ZFR: variants seen among roughly 807,000 people sequenced by gnomAD.
ZFR encodes the protein zinc finger RNA-binding protein.
A neutral mutation model predicts 130.7 loss-of-function variants in ZFR; 19 were observed. The ratio of observed to expected loss-of-function variants is 0.15; its 90% CI spans 0.10 to 0.21. The LOEUF is 0.21. Ranked by LOEUF, ZFR falls within the 10% of genes least tolerant of loss-of-function variation. The pLI is 1.00. For missense variants in ZFR, 872 were observed against 1,321.5 expected, an observed-to-expected ratio of 0.66 and a Z score of 5.27; for synonymous variants, 466 against 456.9, an observed-to-expected ratio of 1.02 and a Z score of -0.25.
chr5:32,419,911 G>A lies in ZFR; in HGVS notation c.330C>T (p.Pro110=), dbSNP rs192753696. The change falls in exon 3 of 20, where the codon CCC becomes CCT. Residue 110 remains proline, a synonymous_variant. Coordinates refer to ENST00000265069, the MANE Select transcript of ZFR (RefSeq NM_016107.5). ...CATAGTCAGTTGCTGTGTGTGCAGT[G>A]GGGTAGCCTCCATAAGCAGCAGCTG... ...AATAAAYGGY[P]TAHTATDYGY... 3.7e-6 allele frequency: 6 copies of A among 1,613,960 alleles called. No homozygotes were observed. The Admixed American group carries it at 8.3e-5, about 22-fold the overall frequency.
At chr5:32,418,418 A>G (rs1339447382) in intron 3 of ZFR, among the ~76,000 whole-genome samples, 1 of 152,216 alleles carries the variant, frequency 6.6e-6, no homozygotes, top group African/African-American at 2.4e-5. Flanking sequence ...TGGATCCTAC[A>G]ATATTACAAA....
rs993741198 is a variant in ZFR at position 32,419,756 on chromosome 5, T to C, written c.420+65A>G. On this transcript the variant is annotated intron_variant, in intron 3 of 19. Coordinates refer to ENST00000265069, the MANE Select transcript of ZFR (RefSeq NM_016107.5). ...GTTTGAGAAGCAATGGCTAGGGCAT[T>C]ACATTATACACTGAAGACAAAGAAA... The C allele has an allele frequency of 3.3e-6, 5 of 1,508,810 alleles. No individual in the cohort carries two copies. In the Admixed American group the frequency reaches 8.7e-5, roughly 26 times the overall value. The allele number at this position is 1,508,810 out of a possible 1,614,324, so 93.5% of individuals were successfully genotyped here.
chr5:32,383,890 T>C, intron 15 of ZFR: 1 of 437,414 alleles, frequency 2.3e-6, no homozygotes, highest in South Asian at 1.6e-5. Flanking sequence ...CAGCTCAGTG[T>C]CTTGAAGCAA....
At chr5:32,438,764 G>A (rs1178904054) in intron 2 of ZFR, among the ~76,000 whole-genome samples, 1 of 151,954 alleles carries the variant, frequency 6.6e-6, no homozygotes. Flanking sequence ...TATTAACCAA[G>A]GAATCCTTCT....
intron 17 of ZFR, among the ~76,000 whole-genome samples, chr5:32,370,702 T>C (rs564997818): frequency 2.6e-5 from 4 of 152,322 alleles, no homozygotes; most frequent in African/African-American, 7.2e-5. Context: ...AAAAATTACA[T>C]GCCTTTTATA....
chr5:32,377,069 T>C (rs1454338122), intron 17 of ZFR, among the ~76,000 whole-genome samples: 1 of 148,144 alleles, frequency 6.8e-6, no homozygotes, highest in Non-Finnish European at 1.5e-5. Flanking sequence ...GGAAGGAGAA[T>C]GGCAAGAACC....
At chr5:32,368,595 T>C (rs971808272) in intron 17 of ZFR, among the ~76,000 whole-genome samples, 2 of 152,212 alleles carry the variant, frequency 1.3e-5, no homozygotes, top group African/African-American at 4.8e-5. Flanking sequence ...AGATTTACAA[T>C]AGGGCTATTA....
intron 16 of ZFR, chr5:32,379,468 G>T: frequency 2.9e-6 from 1 of 350,810 alleles, no homozygotes; most frequent in South Asian, 3.4e-5. Flanking sequence ...ACCTTGACCT[G>T]TGTTCATTTA....
At chr5:32,365,822 A>C (rs562034815) in intron 17 of ZFR, among the ~76,000 whole-genome samples, 1 of 152,112 alleles carries the variant, frequency 6.6e-6, no homozygotes, top group South Asian at 2.1e-4. Flanking sequence ...CTGGTTTTGA[A>C]CTCCTGGACT....
At chr5:32,388,851 T>C (rs1161699345) in intron 12 of ZFR, among the ~76,000 whole-genome samples, 177 bp from the exon 13 acceptor site, 2 of 152,148 alleles carry the variant, frequency 1.3e-5, no homozygotes, top group Non-Finnish European at 2.9e-5. Flanking sequence ...CAAGACTATA[T>C]GTATGTATGC....
intron 11 of ZFR, among the ~76,000 whole-genome samples, chr5:32,392,510 A>C (rs1422873449): frequency 1.3e-5 from 2 of 152,154 alleles, no homozygotes; most frequent in African/African-American, 4.8e-5. Flanking sequence ...AACACATAAG[A>C]AAAAACAAGC....
intron 16 of ZFR, chr5:32,379,848 C>A (rs891405987): frequency 5.0e-5 from 19 of 383,458 alleles, no homozygotes; most frequent in South Asian, 6.9e-5. Flanking sequence ...AATAAAAAAA[C>A]CCCAACTACA....
intron 2 of ZFR, among the ~76,000 whole-genome samples, chr5:32,420,310 T>A (rs554212790): frequency 5.9e-5 from 9 of 152,272 alleles, no homozygotes; most frequent in South Asian, 4.1e-4. Flanking sequence ...TCTTTTTTTT[T>A]TAAATTTTCA....
At chr5:32,397,609 A>G (rs1184748402) in intron 9 of ZFR, among the ~76,000 whole-genome samples, 2 of 152,072 alleles carry the variant, frequency 1.3e-5, no homozygotes, top group Non-Finnish European at 2.9e-5. Flanking sequence ...ATGTAACACC[A>G]CCACGACCGG....
At chr5:32,387,431 C>T (rs1020895329) in intron 14 of ZFR, 118 bp downstream of exon 14, 2 of 1,205,104 alleles carry the variant, frequency 1.7e-6, no homozygotes, top group Non-Finnish European at 2.3e-6. Flanking sequence ...AAACTCAATA[C>T]AGAAAGTCAA....
At chr5:32,415,486 G>GTGTGTGTGTA (rs1491174213) in intron 4 of ZFR, among the ~76,000 whole-genome samples, 1 of 12,078 alleles carries the variant, frequency 8.3e-5, no homozygotes, top group African/African-American at 2.6e-4. Context: ...CTGAAAAGGA[G>GTGTGTGTGTA]TGTGTGTGTG....
intron 19 of ZFR, among the ~76,000 whole-genome samples, chr5:32,356,641 G>T (rs913663328): frequency 1.3e-5 from 2 of 151,554 alleles, no homozygotes; most frequent in Non-Finnish European, 2.9e-5. Flanking sequence ...GGATTGTCTC[G>T]ATCTCCTGAC....
At chr5:32,428,874 G>A (rs922720135) in intron 2 of ZFR, among the ~76,000 whole-genome samples, 2 of 151,504 alleles carry the variant, frequency 1.3e-5, no homozygotes, top group African/African-American at 2.4e-5. Context: ...CACTTTCCGT[G>A]TTAGCAGAGA....
At chr5:32,372,692 A>G (rs1167164346) in intron 17 of ZFR, among the ~76,000 whole-genome samples, 2 of 151,768 alleles carry the variant, frequency 1.3e-5, no homozygotes, top group African/African-American at 4.8e-5. Flanking sequence ...AATTATCCAG[A>G]CATGGTGGCG....
Sources: gnomAD v4.1 joint callset for allele counts (sites outside exome capture counted in the v4.1 genomes callset) on GRCh38, gnomAD v4.1.1 for gene constraint, MANE v1.5 for transcripts, NCBI Gene and HGNC (gene_info 2026-07-23, HGNC 2026-07-21) for gene names.